ANKRD12: variants seen among roughly 807,000 people sequenced by gnomAD.
The protein encoded by ANKRD12 is ankyrin repeat domain-containing protein 12.
A neutral mutation model predicts 183.4 loss-of-function variants in ANKRD12; 85 were observed. That is an observed-to-expected ratio of 0.46 (90% CI 0.39 to 0.56). ANKRD12 has a LOEUF of 0.56. Among genes scored for constraint, ANKRD12 ranks in the 20% least tolerant of loss-of-function variants. The pLI is 0.00. For missense variants in ANKRD12, 2,405 were observed against 2,357.1 expected (o/e 1.02, Z -0.42); for synonymous variants, 914 against 800.2 (o/e 1.14, Z -2.40).
chr18:9,172,345 T>C (rs1567874229), intron 1 of ANKRD12, among the ~76,000 whole-genome samples: 1 of 152,248 alleles, frequency 6.6e-6, no homozygotes, highest in Non-Finnish European at 1.5e-5. Flanking sequence ...TTCTCCTGTC[T>C]TTCAGGCACC....
intron 1 of ANKRD12, among the ~76,000 whole-genome samples, chr18:9,145,669 G>T (rs774127368): frequency 3.3e-5 from 5 of 152,222 alleles, no homozygotes; most frequent in African/African-American, 2.4e-5. Flanking sequence ...ACTGGCATAA[G>T]AGGATGAACT....
rs1304741982 is a variant in ANKRD12, at chr18:9,223,613, CCTT to C, written c.943+1618_943+1620del. Among the ~76,000 whole-genome samples the C allele has an allele frequency of 2.0e-5, 3 of 151,930 alleles. No homozygotes were observed. The East Asian group carries it at 5.8e-4, about 29-fold the overall frequency. Reference sequence around the variant, plus strand: ...ACAAAGCAAAGATAAAAGTGTATTGCCTTCTTAATTAAATGTAGCTTTTGTTGT... The same window carrying C: ...ACAAAGCAAAGATAAAAGTGTATTGCCTTAATTAAATGTAGCTTTTGTTGT... On this transcript the variant is annotated intron_variant, in intron 8 of 12. Coordinates refer to ENST00000262126, the MANE Select transcript of ANKRD12 (RefSeq NM_015208.5).
intron 6 of ANKRD12, among the ~76,000 whole-genome samples, chr18:9,216,267 T>G (rs963075752): frequency 1.4e-4 from 21 of 152,154 alleles, no homozygotes; most frequent in Admixed American, 2.0e-4. Flanking sequence ...CTCCCTTCTC[T>G]TCAGCCTACT....
At chr18:9,272,047 A>G (rs1168752371) in intron 10 of ANKRD12, among the ~76,000 whole-genome samples, 1 of 152,142 alleles carries the variant, frequency 6.6e-6, no homozygotes, top group Non-Finnish European at 1.5e-5. Context: ...GAACTTCCCC[A>G]TGCTGCACTC....
chr18:9,268,684 T>A (rs971554363), intron 10 of ANKRD12, among the ~76,000 whole-genome samples: 1 of 152,134 alleles, frequency 6.6e-6, no homozygotes, highest in African/African-American at 2.4e-5. Context: ...GGGCAAAAAC[T>A]GGAAGCATTC....
chr18:9,222,764 A>G (rs961168257), intron 8 of ANKRD12, among the ~76,000 whole-genome samples: 1 of 152,204 alleles, frequency 6.6e-6, no homozygotes, highest in African/African-American at 2.4e-5. Flanking sequence ...TGAGGCAGAA[A>G]GTTCTACCCT....
At chr18:9,272,945 AGAGAATGGGAAACGTGGGGGTGGG>A (rs1321160658) in intron 10 of ANKRD12, among the ~76,000 whole-genome samples, 4 of 151,300 alleles carry the variant, frequency 2.6e-5, no homozygotes, top group South Asian at 2.1e-4. Context: ...CGAGGAGAGG[AGAGAATGGGAAACGTGGGGGTGGG>A]GAGAATGGGA....
intron 2 of ANKRD12, among the ~76,000 whole-genome samples, chr18:9,192,637 A>G (rs751172692): frequency 6.7e-4 from 102 of 151,852 alleles, no homozygotes; most frequent in Non-Finnish European, 1.3e-3. Context: ...TTAAAACTCT[A>G]TTGTAAAATC....
chr18:9,252,184 T>TA (rs1480092536), intron 8 of ANKRD12, among the ~76,000 whole-genome samples: 7 of 152,218 alleles, frequency 4.6e-5, no homozygotes, highest in African/African-American at 1.7e-4. Context: ...ACTGCCTCAC[T>TA]AGAGCTCAGG....
intron 1 of ANKRD12, among the ~76,000 whole-genome samples, chr18:9,139,248 C>T (rs111861877): frequency 0.01 from 1,566 of 152,130 alleles, 34 homozygotes; most frequent in African/African-American, 0.035. Flanking sequence ...GGAAAAAAGC[C>T]TGAATTTTAT....
intron 9 of ANKRD12, among the ~76,000 whole-genome samples, chr18:9,260,721 T>TG (rs2038918314): frequency 6.6e-6 from 1 of 152,198 alleles, no homozygotes; most frequent in Non-Finnish European, 1.5e-5. Flanking sequence ...AAAAGATAGA[T>TG]GGGGAAAACA....
chr18:9,182,065 G>A (rs552270732), intron 1 of ANKRD12, among the ~76,000 whole-genome samples: 7 of 152,276 alleles, frequency 4.6e-5, no homozygotes, highest in African/African-American at 1.2e-4. Flanking sequence ...CAAGGGCATC[G>A]ATTAGGAGCT....
intron 11 of ANKRD12, among the ~76,000 whole-genome samples, chr18:9,275,998 A>G (rs1294545084): frequency 6.6e-6 from 1 of 152,230 alleles, no homozygotes; most frequent in Non-Finnish European, 1.5e-5. Context: ...GCTATTGTAC[A>G]CTGAAAAATA....
At chr18:9,178,896 G>C (rs1028626538) in intron 1 of ANKRD12, among the ~76,000 whole-genome samples, 1 of 151,970 alleles carries the variant, frequency 6.6e-6, no homozygotes, top group African/African-American at 2.4e-5. Flanking sequence ...TGAGAATTTA[G>C]TGGTTTTGAT....
chr18:9,191,063 A>G lies in ANKRD12; in HGVS notation c.88-4488A>G, dbSNP rs183601517. Among the ~76,000 whole-genome samples the G allele has an allele frequency of 3.9e-3, 599 of 152,320 alleles. 3 individuals are homozygous for G. The highest frequency in any genetic ancestry group is 0.013 in the African/African-American group (533 of 41,562). ...CTATCTTACTGAGATGACAAAGGCTATCAATACATTGTTTAATAGCAGAAT... is the reference window on the plus strand; with the variant it reads ...CTATCTTACTGAGATGACAAAGGCTGTCAATACATTGTTTAATAGCAGAAT... On this transcript the variant is annotated intron_variant, in intron 2 of 12. Transcript: ENST00000262126.
chr18:9,244,118 G>C (rs2037815035), intron 8 of ANKRD12, among the ~76,000 whole-genome samples: 2 of 152,082 alleles, frequency 1.3e-5, no homozygotes, highest in South Asian at 4.2e-4. Context: ...TGGACAACAA[G>C]AGCGAAATTC....
At chr18:9,229,203 A>T (rs557092890) in intron 8 of ANKRD12, among the ~76,000 whole-genome samples, 1 of 151,766 alleles carries the variant, frequency 6.6e-6, no homozygotes, top group South Asian at 2.1e-4. Flanking sequence ...GTGCTCTCTC[A>T]GTCCCTGTAA....
At chr18:9,179,714 C>T (rs1414335118) in intron 1 of ANKRD12, among the ~76,000 whole-genome samples, 1 of 152,122 alleles carries the variant, frequency 6.6e-6, no homozygotes, top group Non-Finnish European at 1.5e-5. Context: ...TGGTGTTTCG[C>T]CATGTTGTCC....
chr18:9,264,675 A>G (rs1269178045), intron 10 of ANKRD12, among the ~76,000 whole-genome samples: 1 of 152,256 alleles, frequency 6.6e-6, no homozygotes, highest in Non-Finnish European at 1.5e-5. Context: ...ACAATACAGA[A>G]TTTACAACAC....
Sources: gnomAD v4.1 joint callset for allele counts (sites outside exome capture counted in the v4.1 genomes callset) on GRCh38, gnomAD v4.1.1 for gene constraint, MANE v1.5 for transcripts, NCBI Gene and HGNC (gene_info 2026-07-23, HGNC 2026-07-21) for gene names.